MTSS1: variants seen among roughly 807,000 people sequenced by gnomAD.
The protein encoded by MTSS1 is MTSS I-BAR domain containing 1.
Under a neutral mutation model 79.0 loss-of-function variants are expected in MTSS1, and 18 were observed. That is an observed-to-expected ratio of 0.23 (90% confidence interval 0.16 to 0.34). The LOEUF is 0.34. Ranked by LOEUF, MTSS1 falls within the 10% of genes least tolerant of loss-of-function variation. The probability of loss-of-function intolerance (pLI) is 1.00; values close to 1 mark genes in which losing one functional copy is unlikely to be tolerated. For synonymous variants in MTSS1, 341 were observed against 368.6 expected, an observed-to-expected ratio of 0.93 and a Z score of 0.86; for missense variants, 815 against 986.2, an observed-to-expected ratio of 0.83 and a Z score of 2.33.
chr8:124,620,324 T>C (rs1813255197), intron 3 of MTSS1, among the ~76,000 whole-genome samples: 1 of 152,208 alleles, frequency 6.6e-6, no homozygotes, highest in South Asian at 2.1e-4. Context: ...AGTTAGCAGT[T>C]GGGGCTTCAT....
chr8:124,568,965 G>T, intron 6 of MTSS1: 1 of 719,366 alleles, frequency 1.4e-6, no homozygotes, highest in Non-Finnish European at 1.9e-6. Flanking sequence ...GCTTTGTTGG[G>T]TCAATCTCAA....
intron 3 of MTSS1, among the ~76,000 whole-genome samples, chr8:124,602,207 A>ATATACACACACACACATATAT: frequency 7.0e-6 from 1 of 142,222 alleles, no homozygotes; most frequent in Admixed American, 6.9e-5. Context: ...ATATATATAT[A>ATATACACACACACACATATAT]ATTTTTTTTT....
chr8:124,645,298 C>T (rs553647827), intron 3 of MTSS1, among the ~76,000 whole-genome samples: 7 of 152,244 alleles, frequency 4.6e-5, no homozygotes, highest in Admixed American at 2.0e-4. Context: ...GAGGCTGAGG[C>T]GGGAGGACTG....
intron 3 of MTSS1, among the ~76,000 whole-genome samples, chr8:124,605,962 C>A (rs1587208413): frequency 7.8e-6 from 1 of 127,690 alleles, no homozygotes; most frequent in Non-Finnish European, 1.6e-5. Flanking sequence ...GTAGGTATCT[C>A]ATTTTTTTTT....
chr8:124,640,013 T>A (rs971875302), intron 3 of MTSS1, among the ~76,000 whole-genome samples: 1 of 152,188 alleles, frequency 6.6e-6, no homozygotes, highest in Non-Finnish European at 1.5e-5. Flanking sequence ...ATGTGAAAGG[T>A]GCTTTCATCC....
At chr8:124,556,729 C>T (rs1048508314) in intron 11 of MTSS1, among the ~76,000 whole-genome samples, 8 of 152,268 alleles carry the variant, frequency 5.3e-5, no homozygotes, top group Admixed American at 3.9e-4. Flanking sequence ...GTGGGCAGTA[C>T]ATCGTGCTTC....
At chr8:124,627,321 C>T (rs1814893071) in intron 3 of MTSS1, among the ~76,000 whole-genome samples, 1 of 152,234 alleles carries the variant, frequency 6.6e-6, no homozygotes, top group Non-Finnish European at 1.5e-5. Flanking sequence ...ATAATCGTTA[C>T]ATTCGCTAAC....
chr8:124,708,749 C>G (rs1343639194), intron 1 of MTSS1, among the ~76,000 whole-genome samples: 1 of 152,122 alleles, frequency 6.6e-6, no homozygotes, highest in African/African-American at 2.4e-5. Flanking sequence ...AGCTCCCCAC[C>G]TACGAACATC....
chr8:124,645,885 C>T (rs59676492), intron 3 of MTSS1, among the ~76,000 whole-genome samples: 2 of 151,976 alleles, frequency 1.3e-5, no homozygotes, highest in Admixed American at 6.5e-5. Flanking sequence ...TTTCAGGGCA[C>T]GAAGGTCTCT....
At chr8:124,630,996 T>A (rs1015968817) in intron 3 of MTSS1, among the ~76,000 whole-genome samples, 1 of 152,100 alleles carries the variant, frequency 6.6e-6, no homozygotes, top group Non-Finnish European at 1.5e-5. Flanking sequence ...GCATCATCAC[T>A]GAGATAAAAA....
At chr8:124,602,976 A>G (rs972861360) in intron 3 of MTSS1, among the ~76,000 whole-genome samples, 2 of 152,210 alleles carry the variant, frequency 1.3e-5, no homozygotes, top group African/African-American at 4.8e-5. Flanking sequence ...AAGGTGCCTT[A>G]GAAAACTCAC....
At position 124,655,948 on chromosome 8, in the gene MTSS1, C is replaced by T. The variant is rs28425544; in HGVS notation, c.208+43578G>A. Among the ~76,000 whole-genome samples, 1,009 of 152,188 alleles carry T rather than the reference C, an allele frequency of 6.6e-3. 12 individuals carry two copies. Among genetic ancestry groups the T allele is most frequent in the African/African-American group, 0.022 (907 of 41,530 alleles). ...TGGAAAGATGTGTGTATAACAAACG[C>T]TGAAATGCTCAAAGAAGAAAACCTA... On this transcript the variant is annotated intron_variant, in intron 3 of 13. Transcript: ENST00000518547.
intron 3 of MTSS1, among the ~76,000 whole-genome samples, chr8:124,690,162 C>T (rs748850313): frequency 2.6e-5 from 4 of 152,202 alleles, no homozygotes; most frequent in Non-Finnish European, 5.9e-5. Flanking sequence ...CTGCTGCTCC[C>T]GCCGCCGCCA....
intron 1 of MTSS1, among the ~76,000 whole-genome samples, chr8:124,712,060 A>G (rs2135603342): frequency 6.6e-6 from 1 of 152,146 alleles, no homozygotes; most frequent in Non-Finnish European, 1.5e-5. Flanking sequence ...GAGTGGGTAG[A>G]AAAATGCCTG....
chr8:124,580,326 T>A (rs1829805080), intron 6 of MTSS1: 1 of 523,170 alleles, frequency 1.9e-6, no homozygotes, highest in Non-Finnish European at 3.4e-6. Context: ...GCTCTCAGAG[T>A]GTTGTGCTAA....
chr8:124,562,638 C>T lies in MTSS1; in HGVS notation c.1035+144G>A, dbSNP rs1369693061. 4 of 804,960 alleles carry T rather than the reference C, an allele frequency of 5.0e-6. No individual in the cohort carries two copies. The African/African-American group carries it at 6.9e-5, about 14-fold the overall frequency. 49.9% of individuals were successfully genotyped at this position (804,960 alleles called of 1,614,324 possible). ...CTCTCCCTTTAGGGGAACAATACATCTAAAGATGAGAAATTAAACCAGAGG... is the reference window on the plus strand; with the variant it reads ...CTCTCCCTTTAGGGGAACAATACATTTAAAGATGAGAAATTAAACCAGAGG... On this transcript the variant is annotated intron_variant, in intron 10 of 13. Transcript: ENST00000518547.
chr8:124,725,694 T>C (rs1833597857), intron 1 of MTSS1, among the ~76,000 whole-genome samples: 1 of 152,218 alleles, frequency 6.6e-6, no homozygotes, highest in Non-Finnish European at 1.5e-5. Flanking sequence ...TGCTGGTGAC[T>C]TCATGCATCT....
chr8:124,692,765 C>T (rs76392952), intron 3 of MTSS1, among the ~76,000 whole-genome samples: 1 of 152,192 alleles, frequency 6.6e-6, no homozygotes, highest in South Asian at 2.1e-4. Flanking sequence ...GCCCCTTGCT[C>T]GAGAACTGAC....
At chr8:124,647,141 C>T (rs182145271) in intron 3 of MTSS1, among the ~76,000 whole-genome samples, 39 of 152,338 alleles carry the variant, frequency 2.6e-4, no homozygotes, top group African/African-American at 7.9e-4. Flanking sequence ...TGAGCCACCA[C>T]GCAGTCATTC....
Sources: gnomAD v4.1 joint callset for allele counts (sites outside exome capture counted in the v4.1 genomes callset) on GRCh38, gnomAD v4.1.1 for gene constraint, MANE v1.5 for transcripts, NCBI Gene and HGNC (gene_info 2026-07-23, HGNC 2026-07-21) for gene names.